DDX10: variants seen among roughly 807,000 people sequenced by gnomAD.
The protein encoded by DDX10 is DEAD-box helicase 10.
Under a neutral mutation model 104.3 loss-of-function variants are expected in DDX10, and 74 were observed. The observed-to-expected ratio is 0.71, with a 90% CI of 0.59 to 0.86. DDX10 has a LOEUF of 0.86. Among genes scored for constraint, DDX10 ranks in the 40% least tolerant of loss-of-function variants. The pLI is 0.00. For synonymous variants in DDX10, 351 were observed against 353.4 expected (o/e 0.99, Z 0.08); for missense variants, 952 against 1,040.0 (o/e 0.92, Z 1.16).
At position 108,693,553 on chromosome 11, in the gene DDX10, T is replaced by C; in HGVS notation, c.1176T>C (p.Cys392=). 6.2e-7 allele frequency: 1 copy of C among 1,614,184 alleles called. No individual in the cohort carries two copies. Among genetic ancestry groups the C allele is most frequent in the East Asian group, 2.2e-5 (1 of 44,884 alleles). ...PAVNWVLQFD[C]PEDANTYIHR... ...TGAATTGGGTTCTTCAGTTTGATTG[T>C]CCTGAGGATGCCAACACATATATTC... Residue 392 remains cysteine (C), a synonymous_variant, in exon 9 of 18, where the codon TGT becomes TGC. Transcript: ENST00000322536.
intron 13 of DDX10, among the ~76,000 whole-genome samples, chr11:108,781,283 C>G (rs766053917): frequency 6.6e-6 from 1 of 152,010 alleles, no homozygotes; most frequent in Non-Finnish European, 1.5e-5. Context: ...GTATATGTGC[C>G]ATATTTTCTT....
chr11:108,746,163 T>C (rs1011426870), intron 13 of DDX10, among the ~76,000 whole-genome samples: 2 of 152,164 alleles, frequency 1.3e-5, no homozygotes, highest in African/African-American at 4.8e-5. Context: ...TGAGGGCTAA[T>C]GAAACAAGTG....
At chr11:108,771,426 C>A (rs1309313160) in intron 13 of DDX10, among the ~76,000 whole-genome samples, 1 of 151,778 alleles carries the variant, frequency 6.6e-6, no homozygotes, top group Admixed American at 6.6e-5. Flanking sequence ...GTGGCATGAT[C>A]TCGACTCATG....
rs561155523 is a variant in DDX10, at chr11:108,940,241, A to G, written c.2451-5A>G. 6.2e-7 allele frequency: 1 copy of G among 1,613,512 alleles called. No individual in the cohort carries two copies. Among genetic ancestry groups the G allele is most frequent in the African/African-American group, 1.3e-5 (1 of 74,992 alleles). The stretch of plus-strand genomic sequence containing the variant: ...AAAGTAAATCTTTGGATTTCTTCTC[A>G]CCAGTGATACCAAGAAGAAGCAGGG... On this transcript the variant is annotated splice_region_variant and splice_polypyrimidine_tract_variant and intron_variant, in intron 17 of 17. Coordinates refer to ENST00000322536, the MANE Select transcript of DDX10 (RefSeq NM_004398.4).
At chr11:108,918,253 T>A (rs1863778591) in intron 17 of DDX10, 1 of 507,428 alleles carries the variant, frequency 2.0e-6, no homozygotes, top group Non-Finnish European at 3.4e-6. Context: ...TTAATAGATA[T>A]GAGTATGATA....
intron 4 of DDX10, among the ~76,000 whole-genome samples, chr11:108,677,894 A>G (rs1046791623): frequency 6.6e-6 from 1 of 151,990 alleles, no homozygotes; most frequent in Admixed American, 6.6e-5. Flanking sequence ...TTCTTGTATC[A>G]AGGAGAGAAC....
At chr11:108,696,265 C>T (rs886735934) in intron 9 of DDX10, among the ~76,000 whole-genome samples, 1 of 152,132 alleles carries the variant, frequency 6.6e-6, no homozygotes, top group African/African-American at 2.4e-5. Context: ...CAACCTCCGC[C>T]TCCCGGGTTC....
chr11:108,887,870 C>T (rs1191490016), intron 16 of DDX10, among the ~76,000 whole-genome samples: 5 of 151,636 alleles, frequency 3.3e-5, no homozygotes, highest in Admixed American at 1.3e-4. Context: ...CGGTGAGCCG[C>T]GATCACACCA....
chr11:108,937,088 G>T (rs1465558483), intron 17 of DDX10, among the ~76,000 whole-genome samples: 2 of 152,160 alleles, frequency 1.3e-5, no homozygotes, highest in Non-Finnish European at 2.9e-5. Flanking sequence ...GGGAGATAAG[G>T]AATTGGAGAT....
intron 13 of DDX10, among the ~76,000 whole-genome samples, chr11:108,836,749 A>G (rs894279659): frequency 6.6e-6 from 1 of 152,166 alleles, no homozygotes; most frequent in Non-Finnish European, 1.5e-5. Flanking sequence ...TCTGCCTGCC[A>G]AAGTGCTGGG....
intron 13 of DDX10, among the ~76,000 whole-genome samples, chr11:108,770,510 ACC>A (rs1241810535): frequency 4.5e-5 from 3 of 67,276 alleles, no homozygotes; most frequent in Non-Finnish European, 5.9e-5. Flanking sequence ...CCCTGCACCA[ACC>A]CCCACTACCC....
At chr11:108,740,123 C>T (rs778153851) in intron 13 of DDX10, among the ~76,000 whole-genome samples, 3 of 151,640 alleles carry the variant, frequency 2.0e-5, no homozygotes, top group Non-Finnish European at 4.4e-5. Context: ...GTTTTTTGAC[C>T]CTCACTCACC....
intron 17 of DDX10, among the ~76,000 whole-genome samples, chr11:108,927,903 T>A (rs1863928496): frequency 6.6e-6 from 1 of 152,202 alleles, no homozygotes; most frequent in Non-Finnish European, 1.5e-5. Flanking sequence ...CCTCCCAAAG[T>A]GCAGGGATTA....
intron 16 of DDX10, among the ~76,000 whole-genome samples, chr11:108,888,088 C>T (rs2553766): frequency 7.3e-5 from 11 of 151,696 alleles, no homozygotes; most frequent in African/African-American, 2.7e-4. Context: ...TTAGATGATT[C>T]ATGGATTTTA....
At chr11:108,865,048 A>G (rs1862990748) in intron 16 of DDX10, among the ~76,000 whole-genome samples, 2 of 152,208 alleles carry the variant, frequency 1.3e-5, no homozygotes. Context: ...AGAGCCTTGT[A>G]AAACACAAGG....
chr11:108,927,384 G>C (rs1191038878), intron 17 of DDX10, among the ~76,000 whole-genome samples: 1 of 152,182 alleles, frequency 6.6e-6, no homozygotes, highest in African/African-American at 2.4e-5. Context: ...TGAGGCATAT[G>C]CCACTTTCTG....
chr11:108,711,812 G>T (rs1408592987), intron 10 of DDX10, among the ~76,000 whole-genome samples: 1 of 152,226 alleles, frequency 6.6e-6, no homozygotes, highest in South Asian at 2.1e-4. Context: ...CTAGATGGCT[G>T]TTGTGTCCAG....
At chr11:108,818,469 A>G (rs1862283913) in intron 13 of DDX10, among the ~76,000 whole-genome samples, 1 of 152,224 alleles carries the variant, frequency 6.6e-6, no homozygotes, top group South Asian at 2.1e-4. Context: ...TTCATAACAT[A>G]ACTCCAGGAA....
At chr11:108,757,462 A>G (rs1759158110) in intron 13 of DDX10, among the ~76,000 whole-genome samples, 1 of 152,058 alleles carries the variant, frequency 6.6e-6, no homozygotes, top group Non-Finnish European at 1.5e-5. Context: ...TATTATGATA[A>G]TTTCCATACT....
Sources: allele counts gnomAD v4.1 joint callset (sites outside exome capture counted in the v4.1 genomes callset), GRCh38; gene constraint gnomAD v4.1.1; transcripts MANE v1.5; gene names NCBI Gene and HGNC (gene_info 2026-07-23, HGNC 2026-07-21).